The following CMYA5 variants were observed in gnomAD, a reference collection of about 807,000 sequenced individuals.
CMYA5 encodes the protein cardiomyopathy associated 5.
A neutral mutation model predicts 318.9 loss-of-function variants in CMYA5; 246 were observed. That is an observed-to-expected ratio of 0.77 (90% CI 0.70 to 0.86). The LOEUF (loss-of-function observed/expected upper bound fraction) is 0.86, where lower values mean the gene tolerates loss of function less well. CMYA5 is among the 40% of genes least tolerant of loss of function. CMYA5 has a pLI of 0.00. For missense variants in CMYA5, 4,589 were observed against 4,678.2 expected (o/e 0.98, Z 0.56); for synonymous variants, 1,641 against 1,729.5 (o/e 0.95, Z 1.27).
chr5:79,712,316 C>T (rs111395170), intron 1 of CMYA5, among the ~76,000 whole-genome samples: 7,202 of 152,148 alleles, frequency 0.047, 563 homozygotes, highest in African/African-American at 0.16. Context: ...CAGATTCAAG[C>T]GATTCTTCTG....
chr5:79,706,938 A>C (rs982594104), intron 1 of CMYA5, among the ~76,000 whole-genome samples: 8 of 151,800 alleles, frequency 5.3e-5, no homozygotes, highest in Admixed American at 6.6e-5. Flanking sequence ...TTCAGCCAGC[A>C]CTCCTTACCC....
At position 79,791,015 on chromosome 5, in the gene CMYA5, A is replaced by T; in HGVS notation, c.11735A>T (p.His3912Leu). The change falls in exon 11 of 13, where the codon CAC (histidine) becomes CTC (leucine). Residue 3912 changes from histidine (H) to leucine (L), a missense_variant. Physicochemically the swap from His to Leu is moderately conservative, Grantham distance 99 (BLOSUM62 -3). This residue lies in a region of CMYA5 where 2,431 missense variants were observed against 2,495.1 expected (regional missense o/e 0.97). Coordinates refer to ENST00000446378, the MANE Select transcript of CMYA5 (RefSeq NM_153610.5). The stretch of plus-strand genomic sequence containing the variant: ...AGAGAAACAGCTCATCCTGCTCTAC[A>T]CATTTCCTCAAGTGGGACAGTGATC... Reference protein sequence around the residue: ...LLRETAHPALHISSSGTVISF... With the variant: ...LLRETAHPALLISSSGTVISF... 6.2e-7 allele frequency: 1 copy of T among 1,613,924 alleles called. No individual in the cohort carries two copies. Among genetic ancestry groups the T allele is most frequent in the Non-Finnish European group, 8.5e-7 (1 of 1,179,856 alleles).
rs185823500 is a variant in CMYA5 at position 79,758,405 on chromosome 5, G to A, written c.11111-348G>A. Among the ~76,000 whole-genome samples, 708 of 151,424 alleles carry A rather than the reference G, an allele frequency of 4.7e-3. 1 individual carries two copies. The highest frequency in any genetic ancestry group is 0.016 in the African/African-American group (676 of 41,250). ...AAATTAGCCAGGTGTGGTGGCAGGCGCCTATAATCCCAGCAACTTGGGAGG... is the reference window on the plus strand; with the variant it reads ...AAATTAGCCAGGTGTGGTGGCAGGCACCTATAATCCCAGCAACTTGGGAGG... On this transcript the variant is annotated intron_variant, in intron 6 of 12. Coordinates refer to ENST00000446378, the MANE Select transcript of CMYA5 (RefSeq NM_153610.5).
intron 1 of CMYA5, among the ~76,000 whole-genome samples, chr5:79,704,999 G>A (rs938872522): frequency 1.4e-4 from 22 of 152,158 alleles, no homozygotes; most frequent in South Asian, 8.3e-4. Context: ...CTGGCTTGGC[G>A]CAGTGGCTCA....
chr5:79,747,479 A>C (rs1047324261), intron 5 of CMYA5, among the ~76,000 whole-genome samples: 2 of 152,210 alleles, frequency 1.3e-5, no homozygotes, highest in African/African-American at 4.8e-5. Flanking sequence ...TGCCTTGAGT[A>C]ATTTTATGAT....
chr5:79,693,683 A>G (rs77633958), intron 1 of CMYA5, among the ~76,000 whole-genome samples: 7,551 of 152,194 alleles, frequency 0.05, 268 homozygotes, highest in Non-Finnish European at 0.075. Flanking sequence ...AGTAGACCCC[A>G]GGTGTCTGGA....
Position 79,729,520 on chromosome 5 carries a change from A to T in CMYA5, c.755A>T (p.Tyr252Phe). ...LQFYGTLPKG[Y>F]VIKEIHYRKG... is the part of the protein sequence containing the mutation. Reference sequence around the variant, plus strand: ...TTTTATGGAACATTGCCAAAGGGTTATGTAATTAAAGAAATACATTATAGG... The same window carrying T: ...TTTTATGGAACATTGCCAAAGGGTTTTGTAATTAAAGAAATACATTATAGG... The change falls in exon 2 of 13, where the codon TAT (tyrosine) becomes TTT (phenylalanine). Residue 252 changes from tyrosine (Y) to phenylalanine (F), a missense_variant. By Grantham distance (22) the Tyr-to-Phe change is conservative. This residue lies in a region of CMYA5 where 2,132 missense variants were observed against 2,131.3 expected (regional missense o/e 1.00). Coordinates refer to ENST00000446378, the MANE Select transcript of CMYA5 (RefSeq NM_153610.5). The T allele has an allele frequency of 1.2e-6, 2 of 1,612,102 alleles. No homozygotes were observed. Among genetic ancestry groups the T allele is most frequent in the South Asian group, 1.1e-5 (1 of 90,672 alleles).
At chr5:79,706,844 T>C (rs142623562) in intron 1 of CMYA5, among the ~76,000 whole-genome samples, 3,299 of 152,312 alleles carry the variant, frequency 0.022, 118 homozygotes, top group African/African-American at 0.074. Context: ...TCTTTTATTC[T>C]GTAGCAATAG....
At chr5:79,704,386 A>G (rs979425200) in intron 1 of CMYA5, among the ~76,000 whole-genome samples, 1 of 151,968 alleles carries the variant, frequency 6.6e-6, no homozygotes, top group African/African-American at 2.4e-5. Flanking sequence ...CCCAAAGTAG[A>G]GCGACCAGAA....
In CMYA5 at chr5:79,733,126, T is replaced by C. The variant is rs766828925; in HGVS notation, c.4361T>C (p.Ile1454Thr). ...KFDSLPSVSS[I>T]AEHSVLSEVE... ...GATTCACTTCCAAGTGTCTCCTCTA[T>C]AGCAGAGCATTCTGTTTTGTCAGAA... The change falls in exon 2 of 13, where the codon ATA becomes ACA. Residue 1454 changes from isoleucine (I) to threonine (T), a missense_variant. Coordinates refer to ENST00000446378, the MANE Select transcript of CMYA5 (RefSeq NM_153610.5). The C allele has an allele frequency of 5.6e-6, 9 of 1,613,666 alleles. No homozygotes were observed. Among genetic ancestry groups the C allele is most frequent in the Middle Eastern group, 3.3e-4 (2 of 6,082 alleles).
chr5:79,738,073 A>T lies in CMYA5; in HGVS notation c.9308A>T (p.Glu3103Val). ...FPVSSVESALEHEYDLVKLDE... is the reference protein window; with the variant it reads ...FPVSSVESALVHEYDLVKLDE... ...GTAAGTTCAGTGGAAAGTGCACTAG[A>T]ACATGAATATGACTTGGTGAAATTA... The change falls in exon 2 of 13, where the codon GAA becomes GTA. Residue 3103 changes from glutamate (E) to valine (V), a missense_variant. By Grantham distance (121) the Glu-to-Val change is moderately radical (BLOSUM62 -2). Transcript: ENST00000446378. 1 of 1,613,492 alleles carries T rather than the reference A, an allele frequency of 6.2e-7. No individual in the cohort carries two copies.
chr5:79,740,252 A>G (rs1213352350), intron 2 of CMYA5, among the ~76,000 whole-genome samples: 1 of 152,198 alleles, frequency 6.6e-6, no homozygotes, highest in African/African-American at 2.4e-5. Context: ...AACTGTACAC[A>G]CTGTGTGCCA....
intron 4 of CMYA5, among the ~76,000 whole-genome samples, chr5:79,746,356 G>A (rs185965697): frequency 9.2e-5 from 14 of 152,192 alleles, no homozygotes; most frequent in African/African-American, 3.4e-4. Context: ...TGGTGAAGTG[G>A]ACATGGCCAT....
chr5:79,739,949 C>A (rs1828177590), intron 2 of CMYA5, among the ~76,000 whole-genome samples: 1 of 151,818 alleles, frequency 6.6e-6, no homozygotes, highest in Middle Eastern at 3.4e-3. Context: ...CGCCACTGCA[C>A]TCCACTCTAG....
intron 2 of CMYA5, among the ~76,000 whole-genome samples, chr5:79,739,707 G>T (rs1459464537): frequency 6.6e-6 from 1 of 152,084 alleles, no homozygotes; most frequent in Non-Finnish European, 1.5e-5. Flanking sequence ...AGGGGGCTGG[G>T]TGTGGTGGCT....
chr5:79,737,573 T>TTCAGAAGA lies in CMYA5; in HGVS notation c.8817_8824dup (p.Thr2942IlefsTer16). ...CAGTGACTAGTAAGCCAGCCGGACT[T>TTCAGAAGA]TCAGAAGATCAGAAGACTGCCTTTA... On this transcript the variant is annotated frameshift_variant, in exon 2 of 13. Coordinates refer to ENST00000446378, the MANE Select transcript of CMYA5 (RefSeq NM_153610.5). LOFTEE classifies it high-confidence loss of function. 3 of 1,613,714 alleles carry TTCAGAAGA rather than the reference T, an allele frequency of 1.9e-6. No individual in the cohort carries two copies. Among genetic ancestry groups the TTCAGAAGA allele is most frequent in the Non-Finnish European group, 2.5e-6 (3 of 1,179,780 alleles).
chr5:79,738,963 A>G lies in CMYA5; in HGVS notation c.10198A>G (p.Lys3400Glu), dbSNP rs1037193239. 3 of 1,613,780 alleles carry G rather than the reference A, an allele frequency of 1.9e-6. No homozygotes were observed. In the African/African-American group the frequency reaches 4.0e-5, roughly 22 times the overall value. The change falls in exon 2 of 13, where the codon AAA becomes GAA. Residue 3400 changes from lysine (K) to glutamate (E), a missense_variant. By Grantham distance (56) the Lys-to-Glu change is moderately conservative (BLOSUM62 1). Coordinates refer to ENST00000446378, the MANE Select transcript of CMYA5 (RefSeq NM_153610.5). The stretch of plus-strand genomic sequence containing the variant: ...TCAAGAAACATCACTAGAAGAACCT[A>G]AAATCCTGGTCCCACCTGAGCCAAG... ...HVQETSLEEP[K>E]ILVPPEPSEE...
intron 1 of CMYA5, among the ~76,000 whole-genome samples, chr5:79,722,714 T>C (rs1423167464): frequency 7.0e-6 from 1 of 143,484 alleles, no homozygotes; most frequent in African/African-American, 2.6e-5. Flanking sequence ...CTGAAAAAGA[T>C]AGTATAAATA....
chr5:79,775,589 A>T (rs368596898), intron 9 of CMYA5, among the ~76,000 whole-genome samples: 5 of 152,200 alleles, frequency 3.3e-5, no homozygotes, highest in African/African-American at 1.2e-4. Flanking sequence ...CTCTTTTTTT[A>T]AAAGGAAGCA....
Sources: gnomAD v4.1 joint callset for allele counts (sites outside exome capture counted in the v4.1 genomes callset) on GRCh38, gnomAD v4.1.1 for gene constraint, gnomAD v4.1.1 regional missense constraint, MANE v1.5 for transcripts, NCBI Gene and HGNC (gene_info 2026-07-23, HGNC 2026-07-21) for gene names.